LCOR: variants seen among roughly 807,000 people sequenced by gnomAD.
LCOR encodes ligand dependent nuclear receptor corepressor, also known as ligand-dependent corepressor.
Under a neutral mutation model 64.4 loss-of-function variants are expected in LCOR, and 14 were observed. That is an observed-to-expected ratio of 0.22 (90% CI 0.14 to 0.34). The LOEUF (loss-of-function observed/expected upper bound fraction) is 0.34, where lower values mean the gene tolerates loss of function less well. Ranked by LOEUF, LCOR falls within the 10% of genes least tolerant of loss-of-function variation. The pLI is 1.00. For synonymous variants in LCOR, 643 were observed against 642.5 expected (o/e 1.00, Z -0.01); for missense variants, 1,686 against 1,765.3 (o/e 0.96, Z 0.80).
chr10:96,895,489 C>CT (rs1219767949), intron 2 of LCOR, among the ~76,000 whole-genome samples: 3 of 152,208 alleles, frequency 2.0e-5, no homozygotes, highest in Admixed American at 1.3e-4. Context: ...AATCTGTTCT[C>CT]TACAGCTACC....
At chr10:96,936,819 ACT>A (rs1257617651) in intron 4 of LCOR, among the ~76,000 whole-genome samples, 1 of 152,070 alleles carries the variant, frequency 6.6e-6, no homozygotes, top group Non-Finnish European at 1.5e-5. Flanking sequence ...ATCGTACCAA[ACT>A]CTATATATAC....
Position 96,986,203 on chromosome 10 carries a change from A to G in LCOR, c.*1069A>G, listed in dbSNP as rs1455417127. The G allele has an allele frequency of 6.0e-6, 1 of 167,016 alleles. No homozygotes were observed. Among genetic ancestry groups the G allele is most frequent in the East Asian group, 1.9e-4 (1 of 5,198 alleles). The allele number at this position is 167,016 out of a possible 1,614,324, so 10.3% of individuals were successfully genotyped here. A position where few individuals can be genotyped will look rare whatever the true frequency, so the allele number is the denominator to read the frequency against. On this transcript the variant is annotated 3_prime_UTR_variant, in exon 8 of 8. Coordinates refer to ENST00000421806, the MANE Select transcript of LCOR (RefSeq NM_001346516.2). ...AATTTTACAGTAAAATTTTTTCCCT[A>G]TGCAGTGTGCTTGGGTGTCCCTGAG...
intron 7 of LCOR, among the ~76,000 whole-genome samples, chr10:96,971,371 T>C (rs536879955): frequency 6.6e-6 from 1 of 152,198 alleles, no homozygotes; most frequent in African/African-American, 2.4e-5. Flanking sequence ...ATTTGAATAG[T>C]CCATTTGTGA....
rs145881620 is a variant in LCOR, at chr10:96,905,228, C to A, written c.-329-2037C>A. ...GCATTTTTCTTTCCTGGCATTATTT[C>A]TTGCTATATTTACTTTTTTCCTTTT... On this transcript the variant is annotated intron_variant, in intron 2 of 7. Transcript: ENST00000421806. Among the ~76,000 whole-genome samples the A allele has an allele frequency of 5.9e-4, 90 of 152,122 alleles. No individual in the cohort carries two copies. The East Asian group carries it at 0.016, about 27-fold the overall frequency.
intron 7 of LCOR, chr10:96,957,601 G>A (rs761481666): frequency 1.2e-5 from 12 of 985,332 alleles, no homozygotes; most frequent in Non-Finnish European, 1.4e-5. Context: ...TAAAATTGGA[G>A]GGTTGGTTAG....
At chr10:96,962,862 T>C (rs1847902640) in intron 7 of LCOR, 1 of 152,216 alleles carries the variant, frequency 6.6e-6, no homozygotes, top group Admixed American at 6.5e-5. Flanking sequence ...TCAGTCCACA[T>C]TGTTGAATAA....
intron 2 of LCOR, among the ~76,000 whole-genome samples, chr10:96,901,672 ATC>A (rs1399539626): frequency 6.6e-6 from 1 of 152,086 alleles, no homozygotes; most frequent in Non-Finnish European, 1.5e-5. Flanking sequence ...TGGCCACCTC[ATC>A]TCTAATCTTT....
intron 4 of LCOR, among the ~76,000 whole-genome samples, chr10:96,915,101 T>TCTCA (rs1254007391): frequency 7.2e-5 from 11 of 152,280 alleles, no homozygotes; most frequent in African/African-American, 2.4e-4. Flanking sequence ...CTCTCAAAAC[T>TCTCA]AGGAGGGAAA....
chr10:96,925,053 T>TTTTA (rs890459358), intron 4 of LCOR, among the ~76,000 whole-genome samples: 1 of 150,618 alleles, frequency 6.6e-6, no homozygotes, highest in Admixed American at 6.6e-5. Flanking sequence ...TATTTATTTA[T>TTTTA]TTTATTTATT....
At chr10:96,980,519 T>G (rs1390423759) in intron 7 of LCOR, among the ~76,000 whole-genome samples, 1 of 152,114 alleles carries the variant, frequency 6.6e-6, no homozygotes, top group East Asian at 1.9e-4. Context: ...TGAGCAGACT[T>G]AGAAGCAGTT....
At chr10:96,862,804 T>A (rs1845908893) in intron 2 of LCOR, among the ~76,000 whole-genome samples, 1 of 152,090 alleles carries the variant, frequency 6.6e-6, no homozygotes, top group Non-Finnish European at 1.5e-5. Context: ...TTAAAGAGGG[T>A]CCAAGACCAA....
Position 96,987,639 on chromosome 10 carries a change from G to A in LCOR, c.*2505G>A, listed in dbSNP as rs547079100. 3.3e-5 allele frequency: 5 copies of A among 152,250 alleles called. 1 individual carries two copies. Among genetic ancestry groups the A allele is most frequent in the Non-Finnish European group, 4.4e-5 (3 of 68,008 alleles). 9.4% of individuals were successfully genotyped at this position (152,250 alleles called of 1,614,324 possible). A position where few individuals can be genotyped will look rare whatever the true frequency, so the allele number is the denominator to read the frequency against. On this transcript the variant is annotated 3_prime_UTR_variant, in exon 8 of 8. Coordinates refer to ENST00000421806, the MANE Select transcript of LCOR (RefSeq NM_001346516.2). ...ATAAGGACATTTAAATAGACCAAGA[G>A]TCTACATAATTATGACACTTAAAAG...
At chr10:96,954,640 G>A (rs1184819403) in intron 7 of LCOR, among the ~76,000 whole-genome samples, 4 of 152,046 alleles carry the variant, frequency 2.6e-5, no homozygotes, top group African/African-American at 9.7e-5. Context: ...TAATTAAGAT[G>A]CTATTTTCAG....
chr10:96,969,605 T>C (rs1490211471), intron 7 of LCOR, among the ~76,000 whole-genome samples: 1 of 152,134 alleles, frequency 6.6e-6, no homozygotes, highest in Non-Finnish European at 1.5e-5. Context: ...GGTGGGAATG[T>C]GTATGTTTAA....
At chr10:96,938,276 C>G (rs1165837694) in intron 4 of LCOR, among the ~76,000 whole-genome samples, 3 of 152,130 alleles carry the variant, frequency 2.0e-5, no homozygotes, top group Admixed American at 1.3e-4. Flanking sequence ...TACTGTAATA[C>G]AATGTGTTAA....
chr10:96,862,513 G>A (rs1174243473), intron 2 of LCOR, among the ~76,000 whole-genome samples: 1 of 151,840 alleles, frequency 6.6e-6, no homozygotes, highest in Non-Finnish European at 1.5e-5. Flanking sequence ...TGATCCGCCC[G>A]CCTCAGCCTC....
chr10:96,864,655 A>G (rs1342051081), intron 2 of LCOR, among the ~76,000 whole-genome samples: 3 of 152,228 alleles, frequency 2.0e-5, no homozygotes, highest in Non-Finnish European at 4.4e-5. Flanking sequence ...TTCAGTCAAC[A>G]ACAGACCACA....
chr10:96,940,306 T>TA (rs2134505014), intron 4 of LCOR, among the ~76,000 whole-genome samples: 1 of 76,858 alleles, frequency 1.3e-5, no homozygotes, highest in South Asian at 5.6e-4. Flanking sequence ...GGTCATGATT[T>TA]TTTTTTTTTT....
chr10:96,848,551 A>C (rs1372244576), intron 2 of LCOR, among the ~76,000 whole-genome samples: 1 of 152,120 alleles, frequency 6.6e-6, no homozygotes, highest in African/African-American at 2.4e-5. Context: ...CCAGCTACTC[A>C]GGAGGCTGAG....
Sources: gnomAD v4.1 joint callset for allele counts (sites outside exome capture counted in the v4.1 genomes callset) on GRCh38, gnomAD v4.1.1 for gene constraint, MANE v1.5 for transcripts, NCBI Gene and HGNC (gene_info 2026-07-23, HGNC 2026-07-21) for gene names.